NBAS: variants seen among roughly 807,000 people sequenced by gnomAD.
NBAS encodes NBAS subunit of NRZ tethering complex.
NBAS carries 219 observed loss-of-function variants against 302.5 expected under a neutral mutation model. The observed-to-expected ratio is 0.72, with a 90% confidence interval of 0.65 to 0.81. NBAS has a LOEUF of 0.81. NBAS is among the 30% of genes least tolerant of loss of function. NBAS has a pLI of 0.00. For synonymous variants in NBAS, 1,118 were observed against 1,021.6 expected (o/e 1.09, Z -1.80); for missense variants, 2,932 against 2,841.6 (o/e 1.03, Z -0.72).
intron 32 of NBAS, among the ~76,000 whole-genome samples, chr2:15,359,370 AT>A: frequency 6.6e-6 from 1 of 152,278 alleles, no homozygotes; most frequent in East Asian, 1.9e-4. Context: ...TTTTAAAAGT[AT>A]TTTCCCCTTT....
chr2:15,015,747 C>T, the NBAS span, among the ~76,000 whole-genome samples: 9 of 152,244 alleles, frequency 5.9e-5, no homozygotes, highest in East Asian at 1.7e-3. Context: ...GAAGCTGATG[C>T]TCACCACTCT....
At chr2:15,517,362 G>C (rs144861891) in intron 9 of NBAS, among the ~76,000 whole-genome samples, 3 of 152,158 alleles carry the variant, frequency 2.0e-5, no homozygotes, top group Admixed American at 2.0e-4. Flanking sequence ...TAACCAAATT[G>C]TTCAGGAAAA....
chr2:15,549,208 G>A (rs922902140), intron 6 of NBAS, among the ~76,000 whole-genome samples: 1 of 151,962 alleles, frequency 6.6e-6, no homozygotes, highest in Non-Finnish European at 1.5e-5. Context: ...GAGGTAACTT[G>A]CCCGAGGTTA....
At chr2:15,073,630 A>G in the NBAS span, among the ~76,000 whole-genome samples, 2,308 of 152,210 alleles carry the variant, frequency 0.015, 51 homozygotes, top group African/African-American at 0.054. Flanking sequence ...TTTACTACTT[A>G]AATATATATT....
chr2:14,903,059 G>A, the NBAS span, among the ~76,000 whole-genome samples: 1 of 150,470 alleles, frequency 6.6e-6, no homozygotes, highest in South Asian at 2.1e-4. Flanking sequence ...AAGCTTTGAT[G>A]AATGAAAAAA....
At chr2:15,076,936 T>C in the NBAS span, among the ~76,000 whole-genome samples, 36 of 152,186 alleles carry the variant, frequency 2.4e-4, no homozygotes, top group Non-Finnish European at 2.4e-4. Context: ...ATATTTATGG[T>C]ATATGACCAA....
At chr2:15,399,882 A>C (rs762797351) in intron 26 of NBAS, among the ~76,000 whole-genome samples, 7 of 152,226 alleles carry the variant, frequency 4.6e-5, no homozygotes, top group Non-Finnish European at 7.3e-5. Context: ...AAAAGACAAG[A>C]GTCATACCTT....
chr2:15,019,079 T>C, the NBAS span, among the ~76,000 whole-genome samples: 2 of 152,210 alleles, frequency 1.3e-5, no homozygotes, highest in African/African-American at 4.8e-5. Context: ...ATGGTAATGA[T>C]TTCATTAATA....
At chr2:15,376,594 C>A (rs3828464) in intron 30 of NBAS, among the ~76,000 whole-genome samples, 3 of 151,896 alleles carry the variant, frequency 2.0e-5, no homozygotes, top group Admixed American at 2.0e-4. Flanking sequence ...AAGATATCAC[C>A]TGTGTGGGGG....
the NBAS span, among the ~76,000 whole-genome samples, chr2:15,071,624 CAAA>C: frequency 8.0e-5 from 6 of 74,998 alleles, no homozygotes; most frequent in Admixed American, 3.1e-4. Context: ...ACTCCATCTC[CAAA>C]AAAAAAAAAA....
At chr2:14,790,445 A>G in the NBAS span, among the ~76,000 whole-genome samples, 1 of 152,162 alleles carries the variant, frequency 6.6e-6, no homozygotes, top group Non-Finnish European at 1.5e-5. Flanking sequence ...CTGTTTTGCA[A>G]TGTAAAAGCC....
At chr2:15,025,187 A>G in the NBAS span, among the ~76,000 whole-genome samples, 1 of 152,204 alleles carries the variant, frequency 6.6e-6, no homozygotes, top group Admixed American at 6.5e-5. Flanking sequence ...GCGTATAGCT[A>G]GCCAGTTATC....
the NBAS span, among the ~76,000 whole-genome samples, chr2:14,955,459 G>A: frequency 6.6e-6 from 1 of 152,204 alleles, no homozygotes; most frequent in Non-Finnish European, 1.5e-5. Context: ...GTGCCCCAGT[G>A]GGGAATCTGT....
intron 51 of NBAS, among the ~76,000 whole-genome samples, chr2:15,171,449 T>A (rs553787074): frequency 3.9e-5 from 6 of 152,264 alleles, no homozygotes; most frequent in African/African-American, 1.4e-4. Context: ...GTTTTTTACA[T>A]AGTTTTCAGT....
At chr2:15,309,032 A>C (rs1011232114) in intron 39 of NBAS, 139 bp downstream of exon 39, 8 of 350,038 alleles carry the variant, frequency 2.3e-5, no homozygotes, top group Non-Finnish European at 3.4e-5. Context: ...TAAATACATA[A>C]ATAAATAAAT....
At chr2:14,873,843 AT>A in the NBAS span, among the ~76,000 whole-genome samples, 30,659 of 148,878 alleles carry the variant, frequency 0.21, 4,770 homozygotes, top group African/African-American at 0.45. Context: ...ATTGCATTAC[AT>A]TTTTTTTTTA....
Position 15,551,241 on chromosome 2 carries a change from T to A in NBAS, c.379+252A>T, listed in dbSNP as rs563235833. Among the ~76,000 whole-genome samples the A allele has an allele frequency of 1.8e-4, 27 of 152,190 alleles. No individual in the cohort carries two copies. The South Asian group carries it at 5.2e-3, about 29-fold the overall frequency. ...TTTAATCCAAAATAAAAGGCTACAG[T>A]TAAAAATACTTCATCCCATAACTGG... On this transcript the variant is annotated intron_variant, in intron 6 of 51. Coordinates refer to ENST00000281513, the MANE Select transcript of NBAS (RefSeq NM_015909.4).
chr2:15,156,582 G>T, the NBAS span, among the ~76,000 whole-genome samples: 1 of 152,130 alleles, frequency 6.6e-6, no homozygotes, highest in East Asian at 1.9e-4. Context: ...CCTCCTTCAA[G>T]CCTCTTTTAT....
chr2:15,143,617 T>C, the NBAS span, among the ~76,000 whole-genome samples: 2 of 152,130 alleles, frequency 1.3e-5, no homozygotes, highest in Non-Finnish European at 2.9e-5. Flanking sequence ...GGTTTGCAAG[T>C]GGTGGTTACA....
Sources: allele counts gnomAD v4.1 joint callset (sites outside exome capture counted in the v4.1 genomes callset), GRCh38; gene constraint gnomAD v4.1.1; transcripts MANE v1.5; gene names NCBI Gene and HGNC (gene_info 2026-07-23, HGNC 2026-07-21).